Variants in ZSCAN5A observed in about 807,000 individuals in gnomAD.
ZSCAN5A encodes zinc finger and SCAN domain-containing protein 5A.
In ZSCAN5A, 12 loss-of-function variants were observed where a neutral mutation model predicts 23.7. That is an observed-to-expected ratio of 0.51 (90% CI 0.32 to 0.82). The LOEUF (loss-of-function observed/expected upper bound fraction) is 0.82. Ranked by LOEUF, ZSCAN5A falls within the 40% of genes least tolerant of loss-of-function variation. The pLI is 0.03. For synonymous variants in ZSCAN5A, 257 were observed against 239.9 expected (o/e 1.07, Z -0.66); for missense variants, 597 against 617.9 (o/e 0.97, Z 0.36).
chr19:56,292,446 T>C (rs2039573224), intron 2 of ZSCAN5A, among the ~76,000 whole-genome samples: 1 of 151,876 alleles, frequency 6.6e-6, no homozygotes, highest in Non-Finnish European at 1.5e-5. Context: ...TTGGTTTTTT[T>C]GTCTGTTTTT....
chr19:56,297,060 ACT>A (rs1202843831), intron 2 of ZSCAN5A, among the ~76,000 whole-genome samples: 1 of 140,978 alleles, frequency 7.1e-6, no homozygotes, highest in African/African-American at 2.5e-5. Context: ...CAAGAGCAAA[ACT>A]CTGTCTCAAA....
At position 56,230,236 on chromosome 19, in the gene ZSCAN5A, C is replaced by G. The variant is rs112884965; in HGVS notation, c.-127-5063G>C. Among the ~76,000 whole-genome samples, 578 of 152,298 alleles carry G rather than the reference C, an allele frequency of 3.8e-3. 3 individuals are homozygous for G. The highest frequency in any genetic ancestry group is 0.013 in the African/African-American group (557 of 41,548). The stretch of plus-strand genomic sequence containing the variant: ...AAGTAGCTGGGATTTCAGGCACACG[C>G]CACCATGCCCGGTGAATTTTTCTAT... On this transcript the variant is annotated intron_variant, in intron 2 of 5. Transcript: ENST00000683990.
At chr19:56,365,593 AT>A (rs2041759091) in intron 1 of ZSCAN5A, 1 of 152,260 alleles carries the variant, frequency 6.6e-6, no homozygotes, top group South Asian at 2.1e-4. Context: ...CTAACAACAA[AT>A]AAAAAGCTGA....
At position 56,352,716 on chromosome 19, in the gene ZSCAN5A, G is replaced by A. The variant is rs1185195066; in HGVS notation, c.-358+10519C>T. Among the ~76,000 whole-genome samples the A allele has an allele frequency of 6.6e-6, 1 of 152,196 alleles. No homozygotes were observed. Among genetic ancestry groups the A allele is most frequent in the Non-Finnish European group, 1.5e-5 (1 of 68,038 alleles). ...TTGCTAAAGGCAGGCCAAAGATTTA[G>A]ACATTAAGAGTGGAACATGGGAAAT... On this transcript the variant is annotated intron_variant, in intron 2 of 6. Coordinates refer to the ZSCAN5A transcript ENST00000587340. This position sits in a 1 kb window ranked among gnomAD's most constrained non-coding sequence, Gnocchi z 4.2.
chr19:56,354,184 G>T (rs1380833341), intron 2 of ZSCAN5A, among the ~76,000 whole-genome samples: 1 of 152,194 alleles, frequency 6.6e-6, no homozygotes, highest in East Asian at 1.9e-4. Context: ...TTTCAATTTT[G>T]CAAAGAGAAA....
rs146393945 is a variant in ZSCAN5A at position 56,329,928 on chromosome 19, T to G, written c.-357-13660A>C. Among the ~76,000 whole-genome samples the G allele has an allele frequency of 1.6e-3, 248 of 152,318 alleles. 2 individuals are homozygous for G. In the East Asian group the frequency reaches 0.035, roughly 22 times the overall value. The stretch of plus-strand genomic sequence containing the variant: ...GATGCTGAGGTTTGATGATTGATCC[T>G]GTCACTCAGATAGAAAGCACAGTAC... On this transcript the variant is annotated intron_variant, in intron 2 of 6. Transcript: ENST00000587340.
intron 2 of ZSCAN5A, chr19:56,228,131 A>T: frequency 4.2e-6 from 3 of 713,924 alleles, no homozygotes; most frequent in Non-Finnish European, 5.2e-6. Flanking sequence ...GGTGCAAAGG[A>T]GACCCGCTGC....
intron 2 of ZSCAN5A, among the ~76,000 whole-genome samples, chr19:56,298,402 C>T (rs981462691): frequency 6.6e-5 from 10 of 152,078 alleles, no homozygotes; most frequent in Non-Finnish European, 1.2e-4. Flanking sequence ...TTCTGGGAGG[C>T]CGAGGCAGGC....
chr19:56,225,194 C>G (rs1057484480), intron 2 of ZSCAN5A, 21 bp from the exon 3 acceptor site: 4 of 1,432,840 alleles, frequency 2.8e-6, no homozygotes, highest in Non-Finnish European at 2.7e-6. Flanking sequence ...AAAGTATGAG[C>G]CTCATTAGTT....
chr19:56,290,374 G>A (rs1051327402), intron 2 of ZSCAN5A, among the ~76,000 whole-genome samples: 5 of 152,284 alleles, frequency 3.3e-5, no homozygotes, highest in African/African-American at 1.2e-4. Flanking sequence ...TTGTGACTGG[G>A]GCCATGTGGC....
intron 2 of ZSCAN5A, chr19:56,322,443 G>A: frequency 1.8e-6 from 1 of 570,996 alleles, no homozygotes; most frequent in South Asian, 2.1e-5. Flanking sequence ...CCCACCATCA[G>A]AGCTCAGAGC....
intron 2 of ZSCAN5A, chr19:56,341,280 G>A (rs916294344): frequency 1.3e-5 from 2 of 152,162 alleles, no homozygotes; most frequent in African/African-American, 4.8e-5. Context: ...CCGAACTACA[G>A]TTGATTGGTG....
chr19:56,367,695 T>C (rs570909355), intron 1 of ZSCAN5A, among the ~76,000 whole-genome samples: 73 of 152,346 alleles, frequency 4.8e-4, no homozygotes, highest in African/African-American at 1.6e-3. Context: ...GAAATATTGT[T>C]CCGTGCACAC....
At chr19:56,333,257 A>C (rs2041505385) in intron 2 of ZSCAN5A, among the ~76,000 whole-genome samples, 1 of 151,892 alleles carries the variant, frequency 6.6e-6, no homozygotes, top group Admixed American at 6.5e-5. Flanking sequence ...TATGTTTTCC[A>C]GGTCATTTAC....
Position 56,268,020 on chromosome 19 carries a change from T to A in ZSCAN5A, c.-127-42847A>T, listed in dbSNP as rs180707907. On this transcript the variant is annotated intron_variant, in intron 2 of 5. Coordinates refer to ENST00000683990, the MANE Select transcript of ZSCAN5A (RefSeq NM_001322064.3). ...AGCCTGGCTAAATCCGATGACACTT[T>A]TCAGGTCCCTTCTGGGAAAAATCCC... Among the ~76,000 whole-genome samples, 695 of 152,330 alleles carry A rather than the reference T, an allele frequency of 4.6e-3. 6 individuals are homozygous for A. Among genetic ancestry groups the A allele is most frequent in the African/African-American group, 0.013 (529 of 41,568 alleles).
chr19:56,335,012 A>G (rs981977554), intron 2 of ZSCAN5A, among the ~76,000 whole-genome samples: 3 of 152,234 alleles, frequency 2.0e-5, no homozygotes, highest in Non-Finnish European at 4.4e-5. Flanking sequence ...CTAAAGTATC[A>G]TGTTTTAACC....
At chr19:56,234,110 AG>A (rs1392654419) in intron 2 of ZSCAN5A, among the ~76,000 whole-genome samples, 5 of 152,260 alleles carry the variant, frequency 3.3e-5, no homozygotes, top group Admixed American at 3.3e-4. Flanking sequence ...GTAGGAGAGG[AG>A]GTGTGTGGGA....
chr19:56,247,016 T>C (rs972505386), intron 2 of ZSCAN5A: 2 of 1,066,860 alleles, frequency 1.9e-6, no homozygotes, highest in Admixed American at 1.8e-5. Context: ...GCAGGTGCAG[T>C]CAGTCACCCC....
chr19:56,257,105 C>A (rs1195640766), intron 2 of ZSCAN5A, among the ~76,000 whole-genome samples: 4 of 152,148 alleles, frequency 2.6e-5, no homozygotes, highest in African/African-American at 9.7e-5. Flanking sequence ...GGTTAGATAG[C>A]CCCTCAAAAG....
Sources: allele counts gnomAD v4.1 joint callset (sites outside exome capture counted in the v4.1 genomes callset), GRCh38; gene constraint gnomAD v4.1.1; non-coding constraint Gnocchi (gnomAD v3.1); transcripts MANE v1.5; gene names NCBI Gene and HGNC (gene_info 2026-07-23, HGNC 2026-07-21).